The following SORCS3 variants were observed in gnomAD, a reference collection of about 807,000 sequenced individuals.
SORCS3 encodes VPS10 domain-containing receptor SorCS3.
SORCS3 carries 57 observed loss-of-function variants against 146.3 expected under a neutral mutation model. The ratio of observed to expected loss-of-function variants is 0.39; its 90% CI spans 0.31 to 0.49. The LOEUF is 0.49. Ranked by LOEUF, SORCS3 falls within the 20% of genes least tolerant of loss-of-function variation. The probability of loss-of-function intolerance (pLI) is 0.92; values close to 1 mark genes in which losing one functional copy is unlikely to be tolerated. For missense variants in SORCS3, 1,341 were observed against 1,575.5 expected, an observed-to-expected ratio of 0.85 and a Z score of 2.52; for synonymous variants, 653 against 618.5, an observed-to-expected ratio of 1.06 and a Z score of -0.83.
intron 1 of SORCS3, among the ~76,000 whole-genome samples, chr10:104,683,357 A>G (rs991907020): frequency 4.6e-5 from 7 of 152,178 alleles, no homozygotes; most frequent in Non-Finnish European, 8.8e-5. Context: ...TTGGATTCAG[A>G]TAGAGCAGAT....
intron 5 of SORCS3, among the ~76,000 whole-genome samples, chr10:105,073,519 T>C (rs943846682): frequency 2.8e-4 from 43 of 152,304 alleles, no homozygotes; most frequent in African/African-American, 1.0e-3. Context: ...ACTTCTTTCC[T>C]TGGGCTGTTT....
chr10:104,799,243 AC>A (rs1465137738), intron 1 of SORCS3, among the ~76,000 whole-genome samples: 2 of 152,224 alleles, frequency 1.3e-5, no homozygotes, highest in African/African-American at 4.8e-5. Context: ...ACACATACAC[AC>A]GTATGTTTAT....
At chr10:104,951,776 CTT>C (rs1224009787) in intron 3 of SORCS3, among the ~76,000 whole-genome samples, 1 of 152,146 alleles carries the variant, frequency 6.6e-6, no homozygotes, top group Non-Finnish European at 1.5e-5. Context: ...GATGTGAAGT[CTT>C]TTATAGAGAA....
In SORCS3 at chr10:105,013,860, CA is replaced by C. The variant is rs1375840951; in HGVS notation, c.955-29192del. On this transcript the variant is annotated intron_variant, in intron 4 of 26. Transcript: ENST00000369701. ...ACAGAAAATAGCAAAGGTCCAAGAGCAAACCAGACTCACCTGAAGAGGAATA... is the reference window on the plus strand; with the variant it reads ...ACAGAAAATAGCAAAGGTCCAAGAGCAACCAGACTCACCTGAAGAGGAATA... Among the ~76,000 whole-genome samples the C allele has an allele frequency of 3.3e-5, 5 of 151,904 alleles. No individual in the cohort carries two copies. The East Asian group carries it at 9.7e-4, about 29-fold the overall frequency.
At chr10:105,206,664 A>G (rs1247030264) in intron 16 of SORCS3, among the ~76,000 whole-genome samples, 1 of 152,218 alleles carries the variant, frequency 6.6e-6, no homozygotes, top group Non-Finnish European at 1.5e-5. Context: ...GGATTTTCCA[A>G]GCATTTTCTG....
At chr10:104,699,170 G>A (rs1293083507) in intron 1 of SORCS3, among the ~76,000 whole-genome samples, 1 of 152,118 alleles carries the variant, frequency 6.6e-6, no homozygotes, top group Non-Finnish European at 1.5e-5. Context: ...TAAAAGCCTG[G>A]ACCACCAAAT....
intron 1 of SORCS3, among the ~76,000 whole-genome samples, chr10:104,795,669 G>T (rs1225045934): frequency 6.6e-6 from 1 of 152,204 alleles, no homozygotes; most frequent in Admixed American, 6.5e-5. Flanking sequence ...TTTTTCACAT[G>T]CCCCCTAAGG....
intron 1 of SORCS3, among the ~76,000 whole-genome samples, chr10:104,776,062 G>T (rs1269425004): frequency 6.6e-6 from 1 of 152,182 alleles, no homozygotes; most frequent in East Asian, 1.9e-4. Context: ...TGACTGGGGA[G>T]ACAGACATGT....
chr10:104,641,888 C>A lies in SORCS3; in HGVS notation c.561C>A (p.Ser187=). 6.3e-7 allele frequency: 1 copy of A among 1,594,062 alleles called. No homozygotes were observed. Among genetic ancestry groups the A allele is most frequent in the East Asian group, 2.3e-5 (1 of 44,122 alleles). The stretch of plus-strand genomic sequence containing the variant: ...AAGACCTCCGGCTGCCCAGCACCTC[C>A]TTCGCGCTGACCGGGGACTCGGCCC... ...AAEDLRLPST[S]FALTGDSAHN... The change falls in exon 1 of 27, where the codon TCC becomes TCA. Residue 187 remains serine (S), a synonymous_variant. Coordinates refer to ENST00000369701, the MANE Select transcript of SORCS3 (RefSeq NM_014978.3). The surrounding 1 kb of genome is among the most constrained non-coding windows in gnomAD (Gnocchi z 6.4).
At chr10:105,180,256 C>T (rs1334418255) in intron 14 of SORCS3, among the ~76,000 whole-genome samples, 1 of 152,166 alleles carries the variant, frequency 6.6e-6, no homozygotes, top group Non-Finnish European at 1.5e-5. Flanking sequence ...CAGTAGGTGA[C>T]AACTGAGTTG....
At chr10:104,727,386 A>G (rs1398502100) in intron 1 of SORCS3, among the ~76,000 whole-genome samples, 1 of 152,140 alleles carries the variant, frequency 6.6e-6, no homozygotes, top group Non-Finnish European at 1.5e-5. Flanking sequence ...ATACATAACT[A>G]CTATTAATAT....
chr10:104,764,820 A>G (rs1460710366), intron 1 of SORCS3, among the ~76,000 whole-genome samples: 1 of 152,172 alleles, frequency 6.6e-6, no homozygotes, highest in Admixed American at 6.5e-5. Flanking sequence ...TCCAGTTTTC[A>G]GAGACAGGGA....
chr10:105,246,498 T>C (rs998193882), intron 21 of SORCS3, among the ~76,000 whole-genome samples: 1 of 152,208 alleles, frequency 6.6e-6, no homozygotes, highest in Non-Finnish European at 1.5e-5. Flanking sequence ...TAAATATCAC[T>C]GTGGTTTTCT....
chr10:105,160,624 C>T (rs1408057152), intron 11 of SORCS3, among the ~76,000 whole-genome samples: 1 of 152,044 alleles, frequency 6.6e-6, no homozygotes, highest in Non-Finnish European at 1.5e-5. Flanking sequence ...GAGACTCTGG[C>T]TCAATAAATA....
chr10:104,738,799 G>A (rs924083650), intron 1 of SORCS3, among the ~76,000 whole-genome samples: 2 of 152,100 alleles, frequency 1.3e-5, no homozygotes, highest in Non-Finnish European at 2.9e-5. Flanking sequence ...CCCTTGAGAC[G>A]CAAGGGCTTC....
intron 1 of SORCS3, among the ~76,000 whole-genome samples, chr10:104,757,418 T>C (rs2017066746): frequency 6.6e-6 from 1 of 152,224 alleles, no homozygotes; most frequent in Admixed American, 6.5e-5. Flanking sequence ...AGCTCTCCAA[T>C]GCAAGGCAAG....
chr10:105,219,419 C>T (rs2056685693), intron 19 of SORCS3, among the ~76,000 whole-genome samples: 1 of 152,206 alleles, frequency 6.6e-6, no homozygotes, highest in Non-Finnish European at 1.5e-5. Context: ...TAGGTACCTT[C>T]TGCCTGGCAT....
chr10:104,825,864 C>T (rs1043169741), intron 1 of SORCS3, among the ~76,000 whole-genome samples: 4 of 152,096 alleles, frequency 2.6e-5, no homozygotes, highest in Admixed American at 1.3e-4. Flanking sequence ...AAAACCAGAA[C>T]AACCCCCCAC....
At chr10:104,873,222 A>G (rs1378524835) in intron 2 of SORCS3, among the ~76,000 whole-genome samples, 1 of 152,260 alleles carries the variant, frequency 6.6e-6, no homozygotes, top group Non-Finnish European at 1.5e-5. Context: ...GGAATGCAGA[A>G]TGCTGAATTT....
Sources: gnomAD v4.1 joint callset for allele counts (sites outside exome capture counted in the v4.1 genomes callset) on GRCh38, gnomAD v4.1.1 for gene constraint, Gnocchi (gnomAD v3.1) non-coding constraint, MANE v1.5 for transcripts, NCBI Gene and HGNC (gene_info 2026-07-23, HGNC 2026-07-21) for gene names.